Variants in ZNF469 observed in about 807,000 individuals in gnomAD.
ZNF469 encodes the protein zinc finger protein 469.
ZNF469 carries 1 observed loss-of-function variant against 1.0 expected under a neutral mutation model. The ratio of observed to expected loss-of-function variants is 1.00; its 90% CI spans 0.35 to 4.73. The LOEUF (loss-of-function observed/expected upper bound fraction) is 4.73, where lower values mean the gene tolerates loss of function less well. Among genes scored for constraint, ZNF469 ranks in the 30% most tolerant of loss-of-function variants. The pLI is 0.16. For missense variants in ZNF469, 6,100 were observed against 5,356.3 expected (o/e 1.14, Z -4.33); for synonymous variants, 2,703 against 2,363.4 (o/e 1.14, Z -4.17).
the ZNF469 span, among the ~76,000 whole-genome samples, chr16:88,231,314 T>A: frequency 1.3e-5 from 2 of 152,110 alleles, no homozygotes; most frequent in Admixed American, 1.3e-4. The surrounding 1 kb of genome is among the most constrained non-coding windows in gnomAD (Gnocchi z 4.5). Flanking sequence ...TCAGGGAACC[T>A]GTGTGAAGGG....
At chr16:88,355,787 G>C in the ZNF469 span, among the ~76,000 whole-genome samples, 1 of 152,194 alleles carries the variant, frequency 6.6e-6, no homozygotes, top group African/African-American at 2.4e-5. Flanking sequence ...GCGGGGCCGG[G>C]GGACACTCAG....
the ZNF469 span, among the ~76,000 whole-genome samples, chr16:88,207,528 C>T: frequency 1.3e-5 from 2 of 148,628 alleles, no homozygotes; most frequent in African/African-American, 4.9e-5. Context: ...AAGGGACTGG[C>T]GGCTCTGGGT....
chr16:88,182,205 G>A, the ZNF469 span, among the ~76,000 whole-genome samples: 2 of 152,028 alleles, frequency 1.3e-5, no homozygotes, highest in Non-Finnish European at 1.5e-5. Flanking sequence ...ACTATAAGAT[G>A]TTGATGAGAA....
At chr16:88,243,078 A>G in the ZNF469 span, among the ~76,000 whole-genome samples, 2 of 152,078 alleles carry the variant, frequency 1.3e-5, no homozygotes, top group African/African-American at 4.8e-5. Flanking sequence ...CCCTGGGCCC[A>G]CTTTCCGCTG....
the ZNF469 span, among the ~76,000 whole-genome samples, chr16:88,145,970 C>T: frequency 2.6e-5 from 4 of 152,224 alleles, no homozygotes; most frequent in Non-Finnish European, 5.9e-5. Flanking sequence ...CAGCCGGCCT[C>T]GCAGTCCCGT....
At chr16:88,260,146 G>GT in the ZNF469 span, among the ~76,000 whole-genome samples, 865 of 137,158 alleles carry the variant, frequency 6.3e-3, 10 homozygotes, top group Admixed American at 0.03. The surrounding 1 kb of genome is among the most constrained non-coding windows in gnomAD (Gnocchi z 4.1). Flanking sequence ...CCCTGCTAGT[G>GT]TTTTTTTTTT....
chr16:88,102,622 C>A, the ZNF469 span, among the ~76,000 whole-genome samples: 1 of 152,120 alleles, frequency 6.6e-6, no homozygotes, highest in Non-Finnish European at 1.5e-5. Flanking sequence ...CTGGTCCCAT[C>A]CGTCCTCACA....
At chr16:88,243,287 A>G in the ZNF469 span, among the ~76,000 whole-genome samples, 1 of 152,082 alleles carries the variant, frequency 6.6e-6, no homozygotes, top group African/African-American at 2.4e-5. Context: ...ACTCACTCTA[A>G]GCCTGCTCAG....
chr16:88,127,919 G>C, the ZNF469 span, among the ~76,000 whole-genome samples: 1 of 152,210 alleles, frequency 6.6e-6, no homozygotes, highest in South Asian at 2.1e-4. Flanking sequence ...AGATCAAAGA[G>C]TTTATTCCCA....
the ZNF469 span, among the ~76,000 whole-genome samples, chr16:88,331,019 C>T: frequency 3.5e-4 from 53 of 151,476 alleles, no homozygotes; most frequent in East Asian, 2.7e-3. Flanking sequence ...CCATCACCAT[C>T]GCCATCACTA....
At position 88,432,362 on chromosome 16, in the gene ZNF469, G is replaced by T. The variant is rs755244502; in HGVS notation, c.4892G>T (p.Gly1631Val). Residue 1631 changes from glycine to valine, a missense_variant, in exon 3 of 3, where the codon GGA (glycine) becomes GTA (valine). Physicochemically the swap from Gly to Val is moderately radical, Grantham distance 109. Coordinates refer to ENST00000565624, the MANE Select transcript of ZNF469 (RefSeq NM_001367624.2). ...TFSAADLTRV[G>V]ESTAHREGAE... ...TCGGCAGCTGACCTCACGCGCGTTG[G>T]AGAATCCACTGCACATCGGGAGGGT... is the stretch of plus-strand genomic sequence containing the variant. The T allele has an allele frequency of 6.5e-7, 1 of 1,548,788 alleles. No individual in the cohort carries two copies. The highest frequency in any genetic ancestry group is 2.0e-5 in the Admixed American group (1 of 51,002).
chr16:88,164,039 GAATGGATA>G, the ZNF469 span, among the ~76,000 whole-genome samples: 1 of 151,784 alleles, frequency 6.6e-6, no homozygotes, highest in Non-Finnish European at 1.5e-5. Context: ...ATGGATGGAT[GAATGGATA>G]AGTGGGTGGA....
the ZNF469 span, among the ~76,000 whole-genome samples, chr16:88,104,581 G>A: frequency 4.5e-3 from 679 of 152,372 alleles, 4 homozygotes; most frequent in African/African-American, 0.015. Context: ...GTCACGCAAC[G>A]CGTGGCCCTT....
At chr16:88,421,374 G>A (rs374193378) in intron 1 of ZNF469, among the ~76,000 whole-genome samples, 25 of 152,162 alleles carry the variant, frequency 1.6e-4, no homozygotes, top group Admixed American at 1.4e-3. Flanking sequence ...AGGATCTCCC[G>A]ACTTCAAAGG....
intron 1 of ZNF469, among the ~76,000 whole-genome samples, chr16:88,396,845 A>G (rs1265691770): frequency 1.4e-5 from 2 of 144,200 alleles, no homozygotes; most frequent in African/African-American, 5.3e-5. Flanking sequence ...CCTGGAGGAG[A>G]CCCTCCTGAA....
Position 88,427,941 on chromosome 16 carries a change from G to A in ZNF469, c.471G>A (p.Gly157=). The change falls in exon 3 of 3, where the codon GGG becomes GGA. Residue 157 remains glycine, a synonymous_variant. Transcript: ENST00000565624. The part of the protein sequence containing the change: ...LPEVDTPQGP[G]TGAPLRPGLP... The stretch of plus-strand genomic sequence containing the variant: ...AGGTGGACACCCCCCAGGGCCCTGG[G>A]ACTGGAGCTCCACTCAGGCCGGGCC... The A allele has an allele frequency of 1.3e-6, 2 of 1,549,920 alleles. No individual in the cohort carries two copies. Among genetic ancestry groups the A allele is most frequent in the East Asian group, 2.4e-5 (1 of 40,880 alleles).
At chr16:88,328,764 C>G in the ZNF469 span, among the ~76,000 whole-genome samples, 2 of 152,276 alleles carry the variant, frequency 1.3e-5, no homozygotes, top group Middle Eastern at 3.4e-3. Context: ...ACAGAGGCGC[C>G]CAGTCTAGGG....
the ZNF469 span, among the ~76,000 whole-genome samples, chr16:88,305,676 A>C: frequency 1.3e-5 from 2 of 152,138 alleles, no homozygotes; most frequent in Admixed American, 6.5e-5. Context: ...ATACACACAC[A>C]TGCTCACATG....
the ZNF469 span, among the ~76,000 whole-genome samples, chr16:88,186,821 G>T: frequency 6.6e-6 from 1 of 152,202 alleles, no homozygotes. Context: ...TGGCGGGGCG[G>T]GGGGATGCGG....
Sources: gnomAD v4.1 joint callset for allele counts (sites outside exome capture counted in the v4.1 genomes callset) on GRCh38, gnomAD v4.1.1 for gene constraint, Gnocchi (gnomAD v3.1) non-coding constraint, MANE v1.5 for transcripts, NCBI Gene and HGNC (gene_info 2026-07-23, HGNC 2026-07-21) for gene names.